DLGAP1: variants seen among roughly 807,000 people sequenced by gnomAD.
DLGAP1 encodes the protein disks large-associated protein 1.
In DLGAP1, 11 loss-of-function variants were observed where a neutral mutation model predicts 90.8. That is an observed-to-expected ratio of 0.12 (90% CI 0.08 to 0.20). DLGAP1 has a LOEUF of 0.20. DLGAP1 is among the 10% of genes least tolerant of loss of function. The pLI, the probability that DLGAP1 is intolerant of heterozygous loss-of-function variation, is 1.00. For synonymous variants in DLGAP1, 558 were observed against 540.7 expected (o/e 1.03, Z -0.44); for missense variants, 1,050 against 1,333.8 (o/e 0.79, Z 3.31).
At chr18:4,025,878 C>T (rs1388146364) in intron 2 of DLGAP1, among the ~76,000 whole-genome samples, 1 of 151,584 alleles carries the variant, frequency 6.6e-6, no homozygotes, top group African/African-American at 2.4e-5. Context: ...TTTTAAAAAA[C>T]AGTTACTTTG....
At chr18:4,064,826 C>T (rs2075349266) in intron 2 of DLGAP1, among the ~76,000 whole-genome samples, 1 of 151,364 alleles carries the variant, frequency 6.6e-6, no homozygotes, top group Admixed American at 6.6e-5. Context: ...AGGGATCCTC[C>T]CTGAAGTAGG....
chr18:4,071,481 CAACT>C lies in DLGAP1; in HGVS notation c.-158-66284_-158-66281del, dbSNP rs539882333. Reference sequence around the variant, plus strand: ...TAATTTCCTTTAATGATTTCAAGCACAACTAACCAAATCTCCGACTTCCCAGGGC... The same window carrying C: ...TAATTTCCTTTAATGATTTCAAGCACAACCAAATCTCCGACTTCCCAGGGC... On this transcript the variant is annotated intron_variant, in intron 2 of 12. Coordinates refer to ENST00000315677, the MANE Select transcript of DLGAP1 (RefSeq NM_004746.4). Among the ~76,000 whole-genome samples, 449 of 117,658 alleles carry C rather than the reference CAACT, an allele frequency of 3.8e-3. 7 individuals are homozygous for C. Among genetic ancestry groups the C allele is most frequent in the Non-Finnish European group, 2.7e-3 (133 of 49,020 alleles). 77.2% of individuals were successfully genotyped at this position (117,658 alleles called of 152,430 possible). A position where few individuals can be genotyped will look rare whatever the true frequency, so the allele number is the denominator to read the frequency against.
At position 4,357,157 on chromosome 18, in the gene DLGAP1, C is replaced by CTTT. The variant is rs554248097; in HGVS notation, c.-267+97846_-267+97848dup. 5.6e-3 allele frequency among the ~76,000 whole-genome samples: 604 copies of CTTT among 108,692 alleles called. 12 individuals are homozygous for CTTT. Among genetic ancestry groups the CTTT allele is most frequent in the South Asian group, 9.9e-3 (30 of 3,018 alleles). 71.3% of individuals were successfully genotyped at this position (108,692 alleles called of 152,430 possible). A position where few individuals can be genotyped will look rare whatever the true frequency, so the allele number is the denominator to read the frequency against. ...TTTGTTCTTTCTCTTTGTTTTTTTC[C>CTTT]TTTTTTTTTTTTTTTTTTGACAGGC... On this transcript the variant is annotated intron_variant, in intron 1 of 12. Coordinates refer to ENST00000315677, the MANE Select transcript of DLGAP1 (RefSeq NM_004746.4).
chr18:3,572,063 T>G (rs2054823296), intron 8 of DLGAP1, among the ~76,000 whole-genome samples: 1 of 147,932 alleles, frequency 6.8e-6, no homozygotes. Context: ...CAGTGGTTTC[T>G]TCTAGGTTTT....
chr18:3,957,350 C>T (rs2073103843), intron 3 of DLGAP1, among the ~76,000 whole-genome samples: 1 of 152,176 alleles, frequency 6.6e-6, no homozygotes, highest in Non-Finnish European at 1.5e-5. Flanking sequence ...GCCCTGTGGA[C>T]ACCTTAACTG....
At position 4,342,602 on chromosome 18, in the gene DLGAP1, G is replaced by A. The variant is rs768169107; in HGVS notation, c.-267+112404C>T. Among the ~76,000 whole-genome samples, 22 of 151,820 alleles carry A rather than the reference G, an allele frequency of 1.4e-4. No homozygotes were observed. The highest frequency in any genetic ancestry group is 6.8e-3 in the Middle Eastern group (2 of 294). On this transcript the variant is annotated intron_variant, in intron 1 of 12. Coordinates refer to ENST00000315677, the MANE Select transcript of DLGAP1 (RefSeq NM_004746.4). The surrounding 1 kb of genome is among the most constrained non-coding windows in gnomAD (Gnocchi z 5.8). Reference sequence around the variant, plus strand: ...CATTCTTTCCAAGAATCTGGCTTAGGCTGAGATTACACAAAGAGGGAAATT... The same window carrying A: ...CATTCTTTCCAAGAATCTGGCTTAGACTGAGATTACACAAAGAGGGAAATT...
At chr18:3,636,041 T>C (rs568380248) in intron 7 of DLGAP1, among the ~76,000 whole-genome samples, 1 of 151,666 alleles carries the variant, frequency 6.6e-6, no homozygotes, top group Admixed American at 6.6e-5. Context: ...GGGCCCTTTA[T>C]CTTCTGCCTC....
intron 1 of DLGAP1, among the ~76,000 whole-genome samples, chr18:4,390,108 C>T (rs1473405923): frequency 6.6e-6 from 1 of 151,892 alleles, no homozygotes; most frequent in African/African-American, 2.4e-5. Flanking sequence ...TATTCTCTGC[C>T]CTTCCTTATG....
intron 3 of DLGAP1, among the ~76,000 whole-genome samples, chr18:3,959,277 C>A (rs1464743158): frequency 6.6e-6 from 1 of 151,956 alleles, no homozygotes; most frequent in African/African-American, 2.4e-5. Context: ...GTCTTTAGGT[C>A]CTTTTGTTTA....
chr18:4,271,900 C>G (rs2079292765), intron 1 of DLGAP1, among the ~76,000 whole-genome samples: 1 of 152,130 alleles, frequency 6.6e-6, no homozygotes. Flanking sequence ...ATCAAGTACC[C>G]TTTTTGATGC....
At chr18:4,129,800 T>A (rs2076286807) in intron 2 of DLGAP1, among the ~76,000 whole-genome samples, 1 of 152,130 alleles carries the variant, frequency 6.6e-6, no homozygotes, top group African/African-American at 2.4e-5. Context: ...AATCTCTTCT[T>A]GCTAAAATAG....
At chr18:3,964,531 T>C (rs988023846) in intron 3 of DLGAP1, among the ~76,000 whole-genome samples, 2 of 152,062 alleles carry the variant, frequency 1.3e-5, no homozygotes, top group Non-Finnish European at 2.9e-5. Flanking sequence ...GGCATAAGGC[T>C]GGAGATACGA....
At chr18:4,243,860 CA>C (rs2078596823) in intron 1 of DLGAP1, among the ~76,000 whole-genome samples, 1 of 152,076 alleles carries the variant, frequency 6.6e-6, no homozygotes, top group Admixed American at 6.6e-5. Context: ...TATACAATGT[CA>C]AAATGGCATT....
chr18:4,399,871 T>C (rs1475156081), intron 1 of DLGAP1, among the ~76,000 whole-genome samples: 1 of 152,088 alleles, frequency 6.6e-6, no homozygotes, highest in Non-Finnish European at 1.5e-5. Context: ...CATGCATAAA[T>C]ACCTGTAAAG....
At chr18:3,725,541 C>T (rs1187989664) in intron 7 of DLGAP1, among the ~76,000 whole-genome samples, 1 of 152,080 alleles carries the variant, frequency 6.6e-6, no homozygotes, top group Non-Finnish European at 1.5e-5. Flanking sequence ...TTGCATTCTA[C>T]TTTCCTACCC....
chr18:3,778,599 C>T (rs1403433622), intron 5 of DLGAP1, among the ~76,000 whole-genome samples: 2 of 152,052 alleles, frequency 1.3e-5, no homozygotes, highest in African/African-American at 2.4e-5. Context: ...CACTAGAAGG[C>T]CCAGGCAGGG....
intron 1 of DLGAP1, among the ~76,000 whole-genome samples, chr18:4,230,957 C>T (rs1170686226): frequency 6.6e-6 from 1 of 151,570 alleles, no homozygotes; most frequent in Non-Finnish European, 1.5e-5. Context: ...AAACAAAAAA[C>T]CTAAAAAGCA....
intron 7 of DLGAP1, among the ~76,000 whole-genome samples, chr18:3,587,617 T>G (rs1439551283): frequency 6.6e-6 from 1 of 152,190 alleles, no homozygotes. Flanking sequence ...TCCCCTTCCA[T>G]GCTGTGGAAG....
At chr18:3,686,327 G>GTAGGGATCCATA (rs71297351) in intron 7 of DLGAP1, among the ~76,000 whole-genome samples, 22,335 of 152,090 alleles carry the variant, frequency 0.15, 1,974 homozygotes, top group East Asian at 0.42. Flanking sequence ...ATCCCTAACA[G>GTAGGGATCCATA]ATTCCTTCAA....
Sources: allele counts gnomAD v4.1 joint callset (sites outside exome capture counted in the v4.1 genomes callset), GRCh38; gene constraint gnomAD v4.1.1; non-coding constraint Gnocchi (gnomAD v3.1); transcripts MANE v1.5; gene names NCBI Gene and HGNC (gene_info 2026-07-23, HGNC 2026-07-21).